CD109: variants seen among roughly 807,000 people sequenced by gnomAD.
The protein encoded by CD109 is CD109 molecule.
CD109 carries 149 observed loss-of-function variants against 165.8 expected under a neutral mutation model. That is an observed-to-expected ratio of 0.90 (90% CI 0.79 to 1.03). The LOEUF (loss-of-function observed/expected upper bound fraction) is 1.03. Among genes scored for constraint, CD109 ranks in the 50% least tolerant of loss-of-function variants. CD109 has a pLI of 0.00. For synonymous variants in CD109, 585 were observed against 592.1 expected (o/e 0.99, Z 0.18); for missense variants, 1,712 against 1,677.8 (o/e 1.02, Z -0.36).
At position 73,759,374 on chromosome 6, in the gene CD109, C is replaced by A. The variant is rs573036918; in HGVS notation, c.758+346C>A. ...TTTCCTTTATAGAGATGGGGTCTTG[C>A]CATTTTCTCCAGGCTGGTCTTGAAC... On this transcript the variant is annotated intron_variant, in intron 7 of 32. Transcript: ENST00000287097. Among the ~76,000 whole-genome samples, 43 of 151,806 alleles carry A rather than the reference C, an allele frequency of 2.8e-4. No individual in the cohort carries two copies. In the South Asian group the frequency reaches 8.7e-3, roughly 31 times the overall value.
intron 23 of CD109, among the ~76,000 whole-genome samples, chr6:73,800,753 CT>C (rs1223304426): frequency 1.8e-4 from 27 of 152,174 alleles, no homozygotes; most frequent in African/African-American, 5.3e-4. Context: ...CTTTTATTCA[CT>C]TATTTTTATA....
At chr6:73,773,163 G>A (rs1007244558) in intron 15 of CD109, among the ~76,000 whole-genome samples, 1 of 150,462 alleles carries the variant, frequency 6.6e-6, no homozygotes, top group Non-Finnish European at 1.5e-5. Context: ...TGCGCACTCT[G>A]TCTCTATTTA....
intron 24 of CD109, among the ~76,000 whole-genome samples, chr6:73,803,552 A>G (rs986153973): frequency 1.3e-5 from 2 of 152,004 alleles, no homozygotes; most frequent in Non-Finnish European, 2.9e-5. Flanking sequence ...TGGAAGAAAC[A>G]GAAATAAAAA....
rs1774585951 is a variant in CD109 at position 73,783,696 on chromosome 6, C to T, written c.2106-11C>T. Reference sequence around the variant, plus strand: ...GTTTTGTGATGTTTATATTTATTATCTTGACTTCAGTTACAGGATTTACCA... The same window carrying T: ...GTTTTGTGATGTTTATATTTATTATTTTGACTTCAGTTACAGGATTTACCA... On this transcript the variant is annotated splice_polypyrimidine_tract_variant and intron_variant, in intron 18 of 32. Transcript: ENST00000287097. The T allele has an allele frequency of 7.0e-6, 10 of 1,437,120 alleles. No individual in the cohort carries two copies. The highest frequency in any genetic ancestry group is 9.8e-6 in the Non-Finnish European group (10 of 1,019,970). The allele number at this position is 1,437,120 out of a possible 1,614,324, so 89.0% of individuals were successfully genotyped here.
chr6:73,710,019 T>A (rs1014619985), intron 2 of CD109, among the ~76,000 whole-genome samples: 2 of 152,242 alleles, frequency 1.3e-5, no homozygotes, highest in African/African-American at 4.8e-5. Flanking sequence ...GCATTCCCTT[T>A]GAAAACTGGC....
Position 73,763,653 on chromosome 6 carries a change from G to A in CD109, c.1075G>A (p.Val359Ile). 6.3e-7 allele frequency: 1 copy of A among 1,587,776 alleles called. No homozygotes were observed. Among genetic ancestry groups the A allele is most frequent in the Non-Finnish European group, 8.6e-7 (1 of 1,164,400 alleles). The change falls in exon 10 of 33, where the codon GTC (valine) becomes ATC (isoleucine). Residue 359 changes from valine to isoleucine, a missense_variant. Coordinates refer to ENST00000287097, the MANE Select transcript of CD109 (RefSeq NM_133493.5). ...YIIEFFDYTT[V>I]LKPSLNFTAT... ...CATTGAGTTTTTTGATTATACTACT[G>A]TCTTGAAGCCATCTCTCAACTTCAC...
intron 31 of CD109, 151 bp from the exon 32 acceptor site, chr6:73,820,310 A>C: frequency 3.7e-6 from 2 of 540,740 alleles, no homozygotes; most frequent in Non-Finnish European, 6.6e-6. Flanking sequence ...AAGATAGTTC[A>C]TAGGAAGTAC....
intron 6 of CD109, among the ~76,000 whole-genome samples, chr6:73,757,643 G>A (rs985052111): frequency 2.0e-5 from 3 of 151,830 alleles, no homozygotes; most frequent in Admixed American, 1.3e-4. Context: ...TAGTCCAGAT[G>A]GAGACAGCAG....
At chr6:73,723,788 G>T (rs1772041428) in intron 3 of CD109, among the ~76,000 whole-genome samples, 1 of 152,202 alleles carries the variant, frequency 6.6e-6, no homozygotes, top group African/African-American at 2.4e-5. Flanking sequence ...AATAGCTAAT[G>T]GGTTCTAGGT....
the CD109 span, among the ~76,000 whole-genome samples, chr6:73,680,804 G>A: frequency 0.71 from 107,659 of 152,032 alleles, 38,508 homozygotes; most frequent in African/African-American, 0.8. Context: ...CTTGGGTGTC[G>A]TTTGTCTTCT....
At chr6:73,709,161 T>A (rs1472480011) in intron 2 of CD109, among the ~76,000 whole-genome samples, 1 of 152,224 alleles carries the variant, frequency 6.6e-6, no homozygotes, top group Non-Finnish European at 1.5e-5. Flanking sequence ...TTAATCCATC[T>A]TGAATTAATT....
At chr6:73,788,393 T>C in intron 21 of CD109, 75 bp from the exon 22 acceptor site, 14 of 1,318,642 alleles carry the variant, frequency 1.1e-5, no homozygotes, top group Non-Finnish European at 1.5e-5. Context: ...CAGATGTTTG[T>C]GCTCATATCT....
At chr6:73,689,010 T>G in the CD109 span, among the ~76,000 whole-genome samples, 1 of 152,154 alleles carries the variant, frequency 6.6e-6, no homozygotes, top group African/African-American at 2.4e-5. Context: ...GCTCAAGCAG[T>G]ACTCCTGCCT....
At chr6:73,823,063 A>C (rs913136266) in intron 32 of CD109, among the ~76,000 whole-genome samples, 1 of 152,192 alleles carries the variant, frequency 6.6e-6, no homozygotes, top group Non-Finnish European at 1.5e-5. Flanking sequence ...AGTAGTTCTA[A>C]TGATTAGAAT....
intron 32 of CD109, among the ~76,000 whole-genome samples, chr6:73,823,034 A>G (rs1321749741): frequency 6.6e-6 from 1 of 152,200 alleles, no homozygotes; most frequent in African/African-American, 2.4e-5. Context: ...ACTAGAGCCC[A>G]GGGTAAATGC....
intron 3 of CD109, among the ~76,000 whole-genome samples, chr6:73,726,028 A>C (rs1772128981): frequency 2.6e-5 from 4 of 152,196 alleles, no homozygotes; most frequent in Admixed American, 2.6e-4. Context: ...AATGCTTGAC[A>C]AAAAAAGAAG....
intron 24 of CD109, 102 bp from the exon 25 acceptor site, chr6:73,806,742 A>C: frequency 1.3e-6 from 1 of 764,510 alleles, no homozygotes; most frequent in African/African-American, 1.8e-5. Flanking sequence ...CCTTTGATGA[A>C]TCTTCTGATG....
At chr6:73,771,924 C>T (rs1479181203) in intron 15 of CD109, among the ~76,000 whole-genome samples, 2 of 152,054 alleles carry the variant, frequency 1.3e-5, no homozygotes, top group Non-Finnish European at 2.9e-5. Context: ...GAAATGTTCT[C>T]ACCACAAAAA....
intron 2 of CD109, among the ~76,000 whole-genome samples, chr6:73,704,786 A>C (rs3913453): frequency 0.4 from 61,502 of 152,074 alleles, 13,230 homozygotes; most frequent in Non-Finnish European, 0.5. Flanking sequence ...AAGAGAAAGG[A>C]AGGCACTGGA....
Sources: gnomAD v4.1 joint callset for allele counts (sites outside exome capture counted in the v4.1 genomes callset) on GRCh38, gnomAD v4.1.1 for gene constraint, MANE v1.5 for transcripts, NCBI Gene and HGNC (gene_info 2026-07-23, HGNC 2026-07-21) for gene names.